DNAJC16: variants seen among roughly 807,000 people sequenced by gnomAD.
DNAJC16 encodes the protein DnaJ heat shock protein family (Hsp40) member C16, also known as dnaJ homolog subfamily C member 16.
DNAJC16 carries 76 observed loss-of-function variants against 92.7 expected under a neutral mutation model. That is an observed-to-expected ratio of 0.82 (90% CI 0.68 to 0.99). The LOEUF (loss-of-function observed/expected upper bound fraction) is 0.99, where lower values mean the gene tolerates loss of function less well. Among genes scored for constraint, DNAJC16 ranks in the 50% least tolerant of loss-of-function variants. DNAJC16 has a pLI of 0.00. For synonymous variants in DNAJC16, 328 were observed against 358.7 expected, an observed-to-expected ratio of 0.91 and a Z score of 0.97; for missense variants, 869 against 942.4, an observed-to-expected ratio of 0.92 and a Z score of 1.02.
intron 3 of DNAJC16, among the ~76,000 whole-genome samples, chr1:15,534,664 G>A (rs1710740660): frequency 6.6e-6 from 1 of 152,168 alleles, no homozygotes; most frequent in Admixed American, 6.5e-5. Flanking sequence ...GTGGGAGGTT[G>A]CAGTGAGCAG....
At chr1:15,530,460 A>G (rs1043470649) in intron 2 of DNAJC16, among the ~76,000 whole-genome samples, 6 of 152,236 alleles carry the variant, frequency 3.9e-5, no homozygotes, top group Non-Finnish European at 8.8e-5. Context: ...TCTTCCACCA[A>G]TGCCTTGGCC....
chr1:15,531,728 T>C (rs544548957), intron 2 of DNAJC16, among the ~76,000 whole-genome samples: 1 of 152,362 alleles, frequency 6.6e-6, no homozygotes, highest in African/African-American at 2.4e-5. Context: ...TAGAAGTGTA[T>C]TGAGTGTGTC....
At chr1:15,536,906 A>G in intron 4 of DNAJC16, 92 bp downstream of exon 4, 1 of 1,174,228 alleles carries the variant, frequency 8.5e-7, no homozygotes, top group Non-Finnish European at 1.2e-6. Context: ...GCTGGAGTAC[A>G]GTGGTGTGAT....
intron 9 of DNAJC16, among the ~76,000 whole-genome samples, chr1:15,562,772 G>A (rs1044468006): frequency 6.6e-6 from 1 of 151,770 alleles, no homozygotes; most frequent in Non-Finnish European, 1.5e-5. Flanking sequence ...ATGAGCCACT[G>A]CTCCTGGCCT....
chr1:15,530,316 C>G (rs1710624656), intron 2 of DNAJC16, among the ~76,000 whole-genome samples: 1 of 149,864 alleles, frequency 6.7e-6, no homozygotes, highest in South Asian at 2.1e-4. Flanking sequence ...CCACTGCACT[C>G]CAGCCTGGGC....
At chr1:15,543,908 G>A (rs1036961089) in intron 4 of DNAJC16, among the ~76,000 whole-genome samples, 1 of 152,146 alleles carries the variant, frequency 6.6e-6, no homozygotes, top group Admixed American at 6.5e-5. Flanking sequence ...TGGCAAAGAC[G>A]TGGGTAGGAC....
At chr1:15,532,705 GT>G (rs71572162) in intron 2 of DNAJC16, among the ~76,000 whole-genome samples, 1 of 150,484 alleles carries the variant, frequency 6.6e-6, no homozygotes, top group East Asian at 1.9e-4. Context: ...GTATTTTTGT[GT>G]TTTTTTTTGT....
intron 7 of DNAJC16, among the ~76,000 whole-genome samples, chr1:15,549,943 T>C (rs72645813): frequency 0.047 from 7,087 of 152,266 alleles, 282 homozygotes; most frequent in African/African-American, 0.11. Flanking sequence ...CTGTGCCTAA[T>C]TGATAAACTT....
At chr1:15,560,915 T>C (rs960965354) in intron 8 of DNAJC16, among the ~76,000 whole-genome samples, 4 of 152,008 alleles carry the variant, frequency 2.6e-5, no homozygotes, top group Non-Finnish European at 4.4e-5. Flanking sequence ...CAGCCAATAA[T>C]GTTTGAAAAT....
In DNAJC16 at chr1:15,569,977, T is replaced by G. The variant is rs1342030429; in HGVS notation, c.*1800T>G. The G allele has an allele frequency of 6.6e-6, 1 of 152,612 alleles. No homozygotes were observed. The highest frequency in any genetic ancestry group is 1.5e-5 in the Non-Finnish European group (1 of 68,034). 9.5% of individuals were successfully genotyped at this position (152,612 alleles called of 1,614,324 possible). A position where few individuals can be genotyped will look rare whatever the true frequency, so the allele number is the denominator to read the frequency against. ...GTTAGTATTTCTTTAATCTTAATGC[T>G]TTAAACTAAGCCACTTGGATCCTGA... is the stretch of plus-strand genomic sequence containing the variant. On this transcript the variant is annotated 3_prime_UTR_variant, in exon 15 of 15. Transcript: ENST00000375847.
Position 15,569,709 on chromosome 1 carries a change from C to G in DNAJC16, c.*1532C>G, listed in dbSNP as rs769826990. 1 of 149,696 alleles carries G rather than the reference C, an allele frequency of 6.7e-6. No individual in the cohort carries two copies. The highest frequency in any genetic ancestry group is 6.7e-5 in the Admixed American group (1 of 14,876). The allele number at this position is 149,696 out of a possible 1,614,324, so 9.3% of individuals were successfully genotyped here. On this transcript the variant is annotated 3_prime_UTR_variant, in exon 15 of 15. Transcript: ENST00000375847. Reference sequence around the variant, plus strand: ...AGGCTGGAGTGAAATGGTGCGATCTCGGTTCACCGCAACCTCCACATCCCA... The same window carrying G: ...AGGCTGGAGTGAAATGGTGCGATCTGGGTTCACCGCAACCTCCACATCCCA...
chr1:15,563,685 A>T lies in DNAJC16; in HGVS notation c.1339-244A>T, dbSNP rs1171567585. On this transcript the variant is annotated intron_variant, in intron 9 of 14. Coordinates refer to ENST00000375847, the MANE Select transcript of DNAJC16 (RefSeq NM_015291.4). ...TACTAAAAAAAAAAAAAAAAAAAAA[A>T]AAAAATACCAAAAATTAGCCAGGCA... Among the ~76,000 whole-genome samples the T allele has an allele frequency of 2.5e-3, 366 of 147,768 alleles. 11 individuals carry two copies. Among genetic ancestry groups the T allele is most frequent in the African/African-American group, 9.1e-3 (356 of 39,120 alleles).
At chr1:15,539,503 C>G (rs1445004843) in intron 4 of DNAJC16, among the ~76,000 whole-genome samples, 2 of 152,090 alleles carry the variant, frequency 1.3e-5, no homozygotes, top group East Asian at 3.9e-4. Context: ...ACCTCGGTCT[C>G]CCAAAGTGCT....
chr1:15,557,899 A>G (rs995201089), intron 7 of DNAJC16, among the ~76,000 whole-genome samples: 1 of 151,810 alleles, frequency 6.6e-6, no homozygotes, highest in African/African-American at 2.4e-5. Context: ...TGCCCAGCTA[A>G]CAACTTTTTT....
At chr1:15,543,249 G>T (rs1710974441) in intron 4 of DNAJC16, among the ~76,000 whole-genome samples, 1 of 152,264 alleles carries the variant, frequency 6.6e-6, no homozygotes, top group South Asian at 2.1e-4. Context: ...CAGGTTGTGT[G>T]TGGACCCTGA....
rs1202086190 is a variant in DNAJC16 at position 15,570,795 on chromosome 1, A to G, written c.*2618A>G. ...GAATTTGTTTACTTTTGCGTCAAAC[A>G]TATGAGCCATTGTCATGCTCAGCCT... On this transcript the variant is annotated 3_prime_UTR_variant, in exon 15 of 15. Transcript: ENST00000375847. 2 of 152,252 alleles carry G rather than the reference A, an allele frequency of 1.3e-5. No individual in the cohort carries two copies. The highest frequency in any genetic ancestry group is 2.9e-5 in the Non-Finnish European group (2 of 68,044). The allele number at this position is 152,252 out of a possible 1,614,324, so 9.4% of individuals were successfully genotyped here. A position where few individuals can be genotyped will look rare whatever the true frequency, so the allele number is the denominator to read the frequency against.
At chr1:15,557,914 CT>C (rs555151554) in intron 7 of DNAJC16, among the ~76,000 whole-genome samples, 1 of 150,692 alleles carries the variant, frequency 6.6e-6, no homozygotes, top group African/African-American at 2.4e-5. Flanking sequence ...TTTTTTTTTC[CT>C]TTTTTTTCTT....
chr1:15,547,727 C>T (rs565416579), intron 6 of DNAJC16, among the ~76,000 whole-genome samples: 4 of 152,306 alleles, frequency 2.6e-5, no homozygotes, highest in African/African-American at 7.2e-5. Flanking sequence ...AAGGCATGAG[C>T]CACCACGCCT....
At chr1:15,531,084 C>G (rs1038659402) in intron 2 of DNAJC16, among the ~76,000 whole-genome samples, 1 of 152,136 alleles carries the variant, frequency 6.6e-6, no homozygotes, top group Non-Finnish European at 1.5e-5. Flanking sequence ...ATCAGTAGTC[C>G]ATTGCTTTAT....
Sources: gnomAD v4.1 joint callset for allele counts (sites outside exome capture counted in the v4.1 genomes callset) on GRCh38, gnomAD v4.1.1 for gene constraint, MANE v1.5 for transcripts, NCBI Gene and HGNC (gene_info 2026-07-23, HGNC 2026-07-21) for gene names.